NEXN: variants seen among roughly 807,000 people sequenced by gnomAD.
The protein encoded by NEXN is nexilin F-actin binding protein, also known as nexilin.
In NEXN, 65 loss-of-function variants were observed where a neutral mutation model predicts 92.6. That is an observed-to-expected ratio of 0.70 (90% CI 0.57 to 0.86). NEXN has a LOEUF of 0.86. NEXN is among the 40% of genes least tolerant of loss of function. The probability of loss-of-function intolerance (pLI) is 0.00; values close to 1 mark genes in which losing one functional copy is unlikely to be tolerated. For synonymous variants in NEXN, 254 were observed against 242.5 expected (o/e 1.05, Z -0.44); for missense variants, 778 against 771.1 (o/e 1.01, Z -0.11).
chr1:77,922,690 T>G (rs1649525036), intron 5 of NEXN, among the ~76,000 whole-genome samples: 1 of 151,394 alleles, frequency 6.6e-6, no homozygotes, highest in African/African-American at 2.4e-5. Flanking sequence ...CTGCGCCTCC[T>G]GGGTTCATGC....
At chr1:77,889,916 A>T (rs1647067547) in intron 1 of NEXN, among the ~76,000 whole-genome samples, 1 of 152,212 alleles carries the variant, frequency 6.6e-6, no homozygotes, top group African/African-American at 2.4e-5. Flanking sequence ...ACTTAAGTTC[A>T]TATCTTAGTC....
At chr1:77,896,722 G>C (rs1647275483) in intron 1 of NEXN, among the ~76,000 whole-genome samples, 1 of 151,542 alleles carries the variant, frequency 6.6e-6, no homozygotes, top group African/African-American at 2.4e-5. Flanking sequence ...TTGCACCACT[G>C]CACTCCAGCC....
chr1:77,929,972 AT>A (rs756777604), intron 9 of NEXN, among the ~76,000 whole-genome samples: 8 of 151,942 alleles, frequency 5.3e-5, no homozygotes, highest in Non-Finnish European at 8.8e-5. Flanking sequence ...AATCAGAATT[AT>A]TTCTCTCTTC....
intron 9 of NEXN, chr1:77,932,127 CAT>C (rs1188039116): frequency 6.6e-6 from 1 of 152,228 alleles, no homozygotes; most frequent in Admixed American, 6.5e-5. Context: ...GGGGTTTCAC[CAT>C]GTTAGTCAGG....
intron 1 of NEXN, among the ~76,000 whole-genome samples, chr1:77,894,223 C>G (rs1443387055): frequency 6.6e-6 from 1 of 152,052 alleles, no homozygotes; most frequent in Non-Finnish European, 1.5e-5. Flanking sequence ...TCCCAAAGTG[C>G]TAGGATTACA....
chr1:77,889,706 T>C (rs1647063109), intron 1 of NEXN, among the ~76,000 whole-genome samples: 1 of 152,108 alleles, frequency 6.6e-6, no homozygotes, highest in South Asian at 2.1e-4. Context: ...TAAGGATATG[T>C]CCTAACAAAA....
In NEXN at chr1:77,942,859, T is replaced by C; in HGVS notation, c.*30T>C. ...TCTTTTTATCTTTTATTCTATTAAT[T>C]TTTTTTTCCTTAAAATCACTTTTCT... On this transcript the variant is annotated 3_prime_UTR_variant, in exon 13 of 13. Coordinates refer to ENST00000334785, the MANE Select transcript of NEXN (RefSeq NM_144573.4). 1 of 1,569,900 alleles carries C rather than the reference T, an allele frequency of 6.4e-7. No homozygotes were observed. The highest frequency in any genetic ancestry group is 8.7e-7 in the Non-Finnish European group (1 of 1,154,992).
intron 5 of NEXN, among the ~76,000 whole-genome samples, chr1:77,919,831 C>T (rs1649280867): frequency 6.6e-6 from 1 of 151,850 alleles, no homozygotes; most frequent in Non-Finnish European, 1.5e-5. Flanking sequence ...AATTCCTGAC[C>T]TCAGGTGATC....
intron 10 of NEXN, among the ~76,000 whole-genome samples, chr1:77,934,171 G>A (rs373607297): frequency 1.5e-4 from 23 of 151,930 alleles, no homozygotes; most frequent in East Asian, 1.2e-3. Context: ...CACGATGCCC[G>A]GCTAATTTTT....
In NEXN at chr1:77,925,198, TA is replaced by T; in HGVS notation, c.461del (p.Asn154ThrfsTer18). The stretch of plus-strand genomic sequence containing the variant: ...ATTCTCATTCAATAGATTGAGGACA[TA>T]AACAATACGGGAACTGAATCAGCAT... ...LAKRAEQIED[I>X]NNTGTESASE... is the part of the protein sequence containing the mutation. On this transcript the variant is annotated frameshift_variant, in exon 6 of 13. Transcript: ENST00000334785. LOFTEE classifies it high-confidence loss of function. 6.3e-7 allele frequency: 1 copy of T among 1,597,820 alleles called. No individual in the cohort carries two copies. The highest frequency in any genetic ancestry group is 8.6e-7 in the Non-Finnish European group (1 of 1,166,948).
At position 77,896,806 on chromosome 1, in the gene NEXN, A is replaced by G. The variant is rs1382840192; in HGVS notation, c.-53+8047A>G. ...AAAGAGAGAAGAATCAAATAGATGC[A>G]ATAAAAAATGATAAAGGGGATATCA... On this transcript the variant is annotated intron_variant, in intron 1 of 12. Coordinates refer to ENST00000334785, the MANE Select transcript of NEXN (RefSeq NM_144573.4). Among the ~76,000 whole-genome samples the G allele has an allele frequency of 3.3e-5, 5 of 152,054 alleles. No homozygotes were observed. In the East Asian group the frequency reaches 7.7e-4, roughly 23 times the overall value.
chr1:77,919,844 C>A (rs1649282510), intron 5 of NEXN, among the ~76,000 whole-genome samples: 1 of 151,890 alleles, frequency 6.6e-6, no homozygotes, highest in Admixed American at 6.6e-5. Flanking sequence ...AGGTGATCTA[C>A]CTGCCTTGGC....
chr1:77,922,140 CTT>C (rs11365279), intron 5 of NEXN, among the ~76,000 whole-genome samples: 1,456 of 111,898 alleles, frequency 0.013, 6 homozygotes, highest in Non-Finnish European at 0.016. Context: ...AAAGAGAAGT[CTT>C]TTTTTTTTTT....
At position 77,943,401 on chromosome 1, in the gene NEXN, T is replaced by C. The variant is rs1651569229; in HGVS notation, c.*572T>C. On this transcript the variant is annotated 3_prime_UTR_variant, in exon 13 of 13. Coordinates refer to ENST00000334785, the MANE Select transcript of NEXN (RefSeq NM_144573.4). ...CTTTAGTAGTACACCATTTTGGTTG[T>C]TGTAGTTTCAAAGTCTTTCTGAAGC... The C allele has an allele frequency of 1.2e-5, 2 of 163,656 alleles. No homozygotes were observed. Among genetic ancestry groups the C allele is most frequent in the Admixed American group, 5.9e-5 (1 of 16,878 alleles). The allele number at this position is 163,656 out of a possible 1,614,324, so 10.1% of individuals were successfully genotyped here. A position where few individuals can be genotyped will look rare whatever the true frequency, so the allele number is the denominator to read the frequency against.
At chr1:77,902,901 G>A (rs994205029) in intron 1 of NEXN, among the ~76,000 whole-genome samples, 3 of 152,100 alleles carry the variant, frequency 2.0e-5, no homozygotes, top group African/African-American at 7.2e-5. Context: ...ATTAGTTTGG[G>A]AAAATACCTC....
In NEXN at chr1:77,942,360, GTTC is replaced by G. The variant is rs1040144360; in HGVS notation, c.1660-98_1660-96del. 7 of 1,407,160 alleles carry G rather than the reference GTTC, an allele frequency of 5.0e-6. No individual in the cohort carries two copies. In the African/African-American group the frequency reaches 5.7e-5, roughly 12 times the overall value. 87.2% of individuals were successfully genotyped at this position (1,407,160 alleles called of 1,614,324 possible). ...CACTTTGTAGTAGGCACACTTGTAT[GTTC>G]TTTACTTAAAAAAAAAAATTTCATT... is the stretch of plus-strand genomic sequence containing the variant. On this transcript the variant is annotated intron_variant, in intron 12 of 12. Coordinates refer to ENST00000334785, the MANE Select transcript of NEXN (RefSeq NM_144573.4).
chr1:77,939,759 A>T (rs1270932697), intron 11 of NEXN, among the ~76,000 whole-genome samples: 1 of 151,974 alleles, frequency 6.6e-6, no homozygotes, highest in East Asian at 1.9e-4. Context: ...TGGCTTAAAG[A>T]TTATTGAAAT....
chr1:77,913,337 C>G (rs1030682151), intron 1 of NEXN, among the ~76,000 whole-genome samples: 7 of 151,802 alleles, frequency 4.6e-5, no homozygotes, highest in African/African-American at 1.7e-4. Flanking sequence ...ATTGCTTGAA[C>G]CCGGGAGGCG....
Position 77,917,716 on chromosome 1 carries a change from C to T in NEXN, c.178C>T (p.Gln60Ter), listed in dbSNP as rs1649088164. Residue 60 changes from glutamine (Q) to a stop codon, truncating the protein, a stop_gained, in exon 3 of 13, where the codon CAA becomes TAA. Transcript: ENST00000334785. LOFTEE classifies it high-confidence loss of function. The part of the protein sequence containing the change: ...SRDEKQRRKE[Q>*]YIREREWNRR... ...AGACGAAAAACAAAGAAGAAAAGAA[C>T]AATATATTAGAGAGAGAGAATGGAA... 1.2e-6 allele frequency: 2 copies of T among 1,610,672 alleles called. No individual in the cohort carries two copies. Among genetic ancestry groups the T allele is most frequent in the Non-Finnish European group, 1.7e-6 (2 of 1,177,628 alleles).
Sources: gnomAD v4.1 joint callset for allele counts (sites outside exome capture counted in the v4.1 genomes callset) on GRCh38, gnomAD v4.1.1 for gene constraint, MANE v1.5 for transcripts, NCBI Gene and HGNC (gene_info 2026-07-23, HGNC 2026-07-21) for gene names.